DIS3: variants seen among roughly 807,000 people sequenced by gnomAD.
The protein encoded by DIS3 is exosome complex exonuclease RRP44.
DIS3 carries 103 observed loss-of-function variants against 113.0 expected under a neutral mutation model. The observed-to-expected ratio is 0.91, with a 90% CI of 0.78 to 1.07. The LOEUF (loss-of-function observed/expected upper bound fraction) is 1.07. Among genes scored for constraint, DIS3 ranks in the 50% least tolerant of loss-of-function variants. The probability of loss-of-function intolerance (pLI) is 0.00; values close to 1 mark genes in which losing one functional copy is unlikely to be tolerated. For missense variants in DIS3, 1,121 were observed against 1,167.1 expected (o/e 0.96, Z 0.58); for synonymous variants, 402 against 394.3 (o/e 1.02, Z -0.23).
At chr13:72,771,934 G>A in intron 10 of DIS3, 38 bp from the exon 11 acceptor site, 1 of 1,589,414 alleles carries the variant, frequency 6.3e-7, no homozygotes, top group Non-Finnish European at 8.6e-7. Context: ...CAATATGCTT[G>A]ACTGGGTAAA....
At position 72,775,964 on chromosome 13, in the gene DIS3, A is replaced by T; in HGVS notation, c.783T>A (p.Ala261=). 6.2e-7 allele frequency: 1 copy of T among 1,611,512 alleles called. No individual in the cohort carries two copies. Among genetic ancestry groups the T allele is most frequent in the Non-Finnish European group, 8.5e-7 (1 of 1,179,266 alleles). Residue 261 remains alanine (A), a synonymous_variant, in exon 5 of 21, where the codon GCT becomes GCA. Transcript: ENST00000377767. ...FRASRENYLE[A]TVWIHGDNEE... is the part of the protein sequence containing the mutation. ...CATTGTCGCCATGAATCCATACTGT[A>T]GCTTCCAAGTAATTTTCCCTGCTAG...
Position 72,780,903 on chromosome 13 carries a change from C to T in DIS3, c.329G>A (p.Arg110Gln), listed in dbSNP as rs976754238. ...NRSAPVYKRI[R>Q]DVTNNQEKHF... Reference sequence around the variant, plus strand: ...CTTCTCTTGGTTATTAGTCACATCTCGGATGCGTTTATATACGGGGGCACT... The same window carrying T: ...CTTCTCTTGGTTATTAGTCACATCTTGGATGCGTTTATATACGGGGGCACT... The change falls in exon 2 of 21, where the codon CGA becomes CAA. Residue 110 changes from arginine to glutamine, a missense_variant. Transcript: ENST00000377767. The T allele has an allele frequency of 1.9e-6, 3 of 1,612,980 alleles. No homozygotes were observed. Among genetic ancestry groups the T allele is most frequent in the South Asian group, 1.1e-5 (1 of 90,952 alleles).
At chr13:72,760,274 A>G (rs2033591949) in intron 20 of DIS3, among the ~76,000 whole-genome samples, 1 of 152,186 alleles carries the variant, frequency 6.6e-6, no homozygotes, top group Non-Finnish European at 1.5e-5. Context: ...CAAAACTTCT[A>G]GATAGAAAAG....
rs775501581 is a variant in DIS3 at position 72,773,962 on chromosome 13, T to C, written c.1085A>G (p.Lys362Arg). Residue 362 changes from lysine to arginine, a missense_variant, in exon 7 of 21, where the codon AAG (lysine) becomes AGG (arginine). Transcript: ENST00000377767. ...NWRPYCGMLS[K>R]SDIKESRRHL... ...TTTACTCACCTCCTTAATGTCAGAC[T>C]TGGAAAGCATGCCACAATATGGTCT... is the stretch of plus-strand genomic sequence containing the variant. The C allele has an allele frequency of 6.2e-7, 1 of 1,609,538 alleles. No individual in the cohort carries two copies. The highest frequency in any genetic ancestry group is 8.5e-7 in the Non-Finnish European group (1 of 1,178,762).
Position 72,771,840 on chromosome 13 carries a change from A to G in DIS3, c.1560T>C (p.Asp520=). Residue 520 remains aspartate, a synonymous_variant, in exon 11 of 21, where the codon GAT becomes GAC. Transcript: ENST00000377767. ...SHFIRPGNAL[D]QESARRGTTV... ...TTGTTCCTCTTCTGGCTGATTCTTG[A>G]TCCAAGGCATTTCCTGGCCTAATAA... is the stretch of plus-strand genomic sequence containing the variant. The G allele has an allele frequency of 6.2e-7, 1 of 1,613,794 alleles. No individual in the cohort carries two copies. The highest frequency in any genetic ancestry group is 2.2e-5 in the East Asian group (1 of 44,834).
At chr13:72,775,653 C>T (rs990469271) in intron 5 of DIS3, among the ~76,000 whole-genome samples, 1 of 152,040 alleles carries the variant, frequency 6.6e-6, no homozygotes, top group Admixed American at 6.5e-5. Context: ...TATTTATGCT[C>T]TCTAAATCTC....
chr13:72,776,637 G>T (rs1339559675), intron 4 of DIS3, among the ~76,000 whole-genome samples: 1 of 152,142 alleles, frequency 6.6e-6, no homozygotes, highest in Non-Finnish European at 1.5e-5. Flanking sequence ...GATGAAAATT[G>T]TATTAATGCT....
Position 72,762,145 on chromosome 13 carries a change from C to T in DIS3, c.2128-8G>A, listed in dbSNP as rs185037355. The T allele has an allele frequency of 2.5e-6, 4 of 1,609,624 alleles. No individual in the cohort carries two copies. In the East Asian group the frequency reaches 8.9e-5, roughly 36 times the overall value. On this transcript the variant is annotated splice_polypyrimidine_tract_variant and splice_region_variant and intron_variant, in intron 16 of 20. Transcript: ENST00000377767. The stretch of plus-strand genomic sequence containing the variant: ...AGTCTTAATTTCCAAATTCTGTAAA[C>T]AAAAAGGAGGGAAGAGCACCATATT...
intron 7 of DIS3, 41 bp from the exon 8 acceptor site, chr13:72,773,862 C>A (rs751112966): frequency 1.3e-6 from 2 of 1,596,724 alleles, no homozygotes; most frequent in East Asian, 4.5e-5. Context: ...CAAAAAAAAT[C>A]TGAGGATGGA....
intron 4 of DIS3, among the ~76,000 whole-genome samples, 187 bp downstream of exon 4, chr13:72,777,233 G>T (rs2034037701): frequency 6.6e-6 from 1 of 152,160 alleles, no homozygotes; most frequent in Non-Finnish European, 1.5e-5. Flanking sequence ...ATCTATTTTA[G>T]AAAGTTAACT....
In DIS3 at chr13:72,756,096, A is replaced by C; in HGVS notation, c.*3699T>G. ...CATGTTGGGAGTAGATGGGTATATA[A>C]CAGTTTGGAAATACTATCTTTGGAG... On this transcript the variant is annotated 3_prime_UTR_variant, in exon 21 of 21. Transcript: ENST00000377767. 2 of 397,162 alleles carry C rather than the reference A, an allele frequency of 5.0e-6. No homozygotes were observed. Among genetic ancestry groups the C allele is most frequent in the Non-Finnish European group, 8.9e-6 (2 of 225,544 alleles). The allele number at this position is 397,162 out of a possible 1,614,324, so 24.6% of individuals were successfully genotyped here. A position where few individuals can be genotyped will look rare whatever the true frequency, so the allele number is the denominator to read the frequency against.
chr13:72,772,789 T>C lies in DIS3; in HGVS notation c.1290A>G (p.Thr430=), dbSNP rs2033918863. The change falls in exon 9 of 21, where the codon ACA becomes ACG. Residue 430 remains threonine (T), a synonymous_variant. Coordinates refer to ENST00000377767, the MANE Select transcript of DIS3 (RefSeq NM_014953.5). ...CATCGTGTTCAAGTAACAAAACTTC[T>C]GTTTCAGTCTCTTTCTCTCCAACAT... ...LGDVGEKETE[T]EVLLLEHDVP... is the part of the protein sequence containing the mutation. 6.2e-7 allele frequency: 1 copy of C among 1,613,172 alleles called. No homozygotes were observed. Among genetic ancestry groups the C allele is most frequent in the Non-Finnish European group, 8.5e-7 (1 of 1,179,790 alleles).
chr13:72,762,269 G>C, intron 16 of DIS3, 132 bp from the exon 17 acceptor site: 1 of 801,614 alleles, frequency 1.2e-6, no homozygotes. Context: ...CAAAGTAGAA[G>C]TAGTAGCCAG....
chr13:72,776,334 A>G (rs2034018285), intron 4 of DIS3, among the ~76,000 whole-genome samples: 1 of 152,178 alleles, frequency 6.6e-6, no homozygotes, highest in South Asian at 2.1e-4. Context: ...TCTCTTGGGC[A>G]CTTGAAAGAC....
Position 72,772,818 on chromosome 13 carries a change from C to G in DIS3, c.1261G>C (p.Gly421Arg). 1 of 1,603,772 alleles carries G rather than the reference C, an allele frequency of 6.2e-7. No individual in the cohort carries two copies. ...TCAGTCTCTTTCTCTCCAACATCAC[C>G]TAAATTTCTCACAAAGTGTCCCTGA... ...YPNGHFVRNLGDVGEKETETE... is the reference protein window; with the variant it reads ...YPNGHFVRNLRDVGEKETETE... Residue 421 changes from glycine to arginine, a missense_variant, in exon 9 of 21, where the codon GGT (glycine) becomes CGT (arginine). Gly to Arg is a moderately radical substitution (Grantham distance 125). Coordinates refer to ENST00000377767, the MANE Select transcript of DIS3 (RefSeq NM_014953.5).
In DIS3 at chr13:72,757,716, C is replaced by T. The variant is rs55686035; in HGVS notation, c.*2079G>A. 39,648 of 185,758 alleles carry T rather than the reference C, an allele frequency of 0.21. 4,687 individuals are homozygous for T. The highest frequency in any genetic ancestry group is 0.25 in the Non-Finnish European group (22,295 of 87,848). 11.5% of individuals were successfully genotyped at this position (185,758 alleles called of 1,614,324 possible). A position where few individuals can be genotyped will look rare whatever the true frequency, so the allele number is the denominator to read the frequency against. ...TGCTAGGATTACAGGCATGAGCCAC[C>T]GCACCTAGCCGGCAAACTTTTTTAA... is the stretch of plus-strand genomic sequence containing the variant. On this transcript the variant is annotated 3_prime_UTR_variant, in exon 21 of 21. Coordinates refer to ENST00000377767, the MANE Select transcript of DIS3 (RefSeq NM_014953.5).
At position 72,754,906 on chromosome 13, in the gene DIS3, G is replaced by A. The variant is rs2033405451; in HGVS notation, c.*4889C>T. On this transcript the variant is annotated 3_prime_UTR_variant, in exon 21 of 21. Transcript: ENST00000377767. ...TTTTAAAATTTTTGGTAGAGACAGG[G>A]TCTCACTATGTTGCCAGGGCTAGTC... 2.6e-5 allele frequency: 10 copies of A among 381,912 alleles called. No homozygotes were observed. The South Asian group carries it at 3.2e-4, about 12-fold the overall frequency. 23.7% of individuals were successfully genotyped at this position (381,912 alleles called of 1,614,324 possible). A position where few individuals can be genotyped will look rare whatever the true frequency, so the allele number is the denominator to read the frequency against.
Position 72,780,929 on chromosome 13 carries a change from G to A in DIS3, c.303C>T (p.Arg101=). ...LQTVLQEVRN[R]SAPVYKRIRD... ...GGATGCGTTTATATACGGGGGCACTGCGATTTCTCACTTCTTGAAGAACTG... is the reference window on the plus strand; with the variant it reads ...GGATGCGTTTATATACGGGGGCACTACGATTTCTCACTTCTTGAAGAACTG... Residue 101 remains arginine (R), a synonymous_variant, in exon 2 of 21, where the codon CGC becomes CGT. Coordinates refer to ENST00000377767, the MANE Select transcript of DIS3 (RefSeq NM_014953.5). The A allele has an allele frequency of 6.2e-7, 1 of 1,613,278 alleles. No homozygotes were observed.
rs981493282 is a variant in DIS3, at chr13:72,781,895, G to C, written c.-63C>G. ...TCTTCCAGCAAAAGGCGTCAATCTAGAATACGCCTAACCCCGGAGGTTCTT... is the reference window on the plus strand; with the variant it reads ...TCTTCCAGCAAAAGGCGTCAATCTACAATACGCCTAACCCCGGAGGTTCTT... On this transcript the variant is annotated 5_prime_UTR_variant, in exon 1 of 21. Transcript: ENST00000377767. 13 of 1,404,086 alleles carry C rather than the reference G, an allele frequency of 9.3e-6. No homozygotes were observed. The highest frequency in any genetic ancestry group is 1.2e-5 in the Non-Finnish European group (13 of 1,051,150). The allele number at this position is 1,404,086 out of a possible 1,614,324, so 87.0% of individuals were successfully genotyped here.
Sources: gnomAD v4.1 joint callset for allele counts (sites outside exome capture counted in the v4.1 genomes callset) on GRCh38, gnomAD v4.1.1 for gene constraint, MANE v1.5 for transcripts, NCBI Gene and HGNC (gene_info 2026-07-23, HGNC 2026-07-21) for gene names.